The following SAE1 variants were observed in gnomAD, a reference collection of about 807,000 sequenced individuals.
The protein encoded by SAE1 is SUMO-activating enzyme subunit 1.
In SAE1, 11 loss-of-function variants were observed where a neutral mutation model predicts 40.6. The observed-to-expected ratio is 0.27, with a 90% CI of 0.17 to 0.45. The LOEUF is 0.45. Among genes scored for constraint, SAE1 ranks in the 20% least tolerant of loss-of-function variants. The probability of loss-of-function intolerance (pLI) is 1.00; values close to 1 mark genes in which losing one functional copy is unlikely to be tolerated. For missense variants in SAE1, 373 were observed against 427.3 expected (o/e 0.87, Z 1.12); for synonymous variants, 155 against 154.3 (o/e 1.00, Z -0.03).
intron 1 of SAE1, among the ~76,000 whole-genome samples, chr19:47,142,045 T>C (rs1457561403): frequency 6.6e-6 from 1 of 152,156 alleles, no homozygotes; most frequent in African/African-American, 2.4e-5. Context: ...TGACCTCTGA[T>C]TGCCTTTTTT....
In SAE1 at chr19:47,209,404, G is replaced by A. The variant is rs1041232838; in HGVS notation, c.*153G>A. On this transcript the variant is annotated 3_prime_UTR_variant, in exon 9 of 9. Transcript: ENST00000270225. ...CTGCAACGAAGGAGGTGGTGCCGAC[G>A]TGCTGCTTCCCATCACCAGCAGCTG... The A allele has an allele frequency of 7.5e-6, 10 of 1,342,176 alleles. No individual in the cohort carries two copies. The highest frequency in any genetic ancestry group is 4.9e-4 in the Middle Eastern group (2 of 4,112). The allele number at this position is 1,342,176 out of a possible 1,614,324, so 83.1% of individuals were successfully genotyped here.
At chr19:47,173,293 G>C (rs1054713970) in intron 6 of SAE1, among the ~76,000 whole-genome samples, 1 of 152,090 alleles carries the variant, frequency 6.6e-6, no homozygotes, top group African/African-American at 2.4e-5. Flanking sequence ...CACCGCGCCC[G>C]GCCCAAAGTC....
At chr19:47,188,023 T>C (rs2058554682) in intron 6 of SAE1, among the ~76,000 whole-genome samples, 1 of 152,122 alleles carries the variant, frequency 6.6e-6, no homozygotes, top group Non-Finnish European at 1.5e-5. Context: ...AAGCCAGTCC[T>C]TGTGCTAGTT....
chr19:47,199,071 A>G (rs887824356), intron 7 of SAE1, among the ~76,000 whole-genome samples: 2 of 152,040 alleles, frequency 1.3e-5, no homozygotes, highest in African/African-American at 4.8e-5. Context: ...CCTGGGTGAC[A>G]GAGAGAGACC....
rs772789167 is a variant in SAE1 at position 47,155,262 on chromosome 19, G to A, written c.627+49G>A. The A allele has an allele frequency of 6.3e-6, 8 of 1,272,702 alleles. No homozygotes were observed. In the South Asian group the frequency reaches 9.5e-5, roughly 15 times the overall value. 78.8% of individuals were successfully genotyped at this position (1,272,702 alleles called of 1,614,324 possible). On this transcript the variant is annotated intron_variant, in intron 5 of 8. Coordinates refer to ENST00000270225, the MANE Select transcript of SAE1 (RefSeq NM_005500.3). ...GTCAGAAACCCTGGGGCCTTGGAGG[G>A]GTCAGGCAATGACGATTGAAAAGGA...
At chr19:47,131,134 C>A in intron 1 of SAE1, 106 bp downstream of exon 1, 1 of 1,430,168 alleles carries the variant, frequency 7.0e-7, no homozygotes, top group Non-Finnish European at 9.2e-7. Flanking sequence ...AGGGAGGAGG[C>A]GGGAATTCTG....
intron 5 of SAE1, among the ~76,000 whole-genome samples, chr19:47,166,760 G>A (rs2058395479): frequency 6.6e-6 from 1 of 152,116 alleles, no homozygotes; most frequent in South Asian, 2.1e-4. Context: ...TTGTTGAGAA[G>A]GGCCTGGTGG....
intron 8 of SAE1, among the ~76,000 whole-genome samples, chr19:47,207,964 T>C (rs1256484173): frequency 6.6e-6 from 1 of 152,156 alleles, no homozygotes; most frequent in Non-Finnish European, 1.5e-5. Context: ...GTGCTCTGTC[T>C]GGTAACCCCA....
At position 47,169,847 on chromosome 19, in the gene SAE1, C is replaced by T. The variant is rs755361348; in HGVS notation, c.657C>T (p.Ala219=). The T allele has an allele frequency of 1.2e-6, 2 of 1,614,074 alleles. No homozygotes were observed. The highest frequency in any genetic ancestry group is 8.5e-7 in the Non-Finnish European group (1 of 1,179,964). Reference sequence around the variant, plus strand: ...TGGTCTTCTGCCCTGTTAAAGAAGCCCTGGAGGTGGACTGGAGCAGTGAGA... The same window carrying T: ...TGGTCTTCTGCCCTGTTAAAGAAGCTCTGGAGGTGGACTGGAGCAGTGAGA... ...KKVVFCPVKE[A]LEVDWSSEKA... Residue 219 remains alanine (A), a synonymous_variant, in exon 6 of 9, where the codon GCC becomes GCT. Coordinates refer to ENST00000270225, the MANE Select transcript of SAE1 (RefSeq NM_005500.3).
intron 7 of SAE1, among the ~76,000 whole-genome samples, chr19:47,202,593 A>G (rs1053739503): frequency 1.2e-4 from 18 of 151,336 alleles, no homozygotes; most frequent in African/African-American, 3.9e-4. Context: ...CCCTAATTAT[A>G]CCCGTTTAGA....
At chr19:47,195,609 C>T (rs569726800) in intron 6 of SAE1, among the ~76,000 whole-genome samples, 5 of 152,118 alleles carry the variant, frequency 3.3e-5, no homozygotes, top group East Asian at 3.9e-4. Flanking sequence ...TTAAACTGGT[C>T]CTGCCTAGAA....
chr19:47,154,480 CTTTTTTTTTTTTTTTTTT>C (rs57870733), intron 4 of SAE1, among the ~76,000 whole-genome samples: 1 of 51,576 alleles, frequency 1.9e-5, no homozygotes, highest in African/African-American at 8.4e-5. Flanking sequence ...TTAAGTTTGG[CTTTTTTTTTTTTTTTTTT>C]TTTTTTTTTT....
At chr19:47,208,627 G>A (rs2058697638) in intron 8 of SAE1, among the ~76,000 whole-genome samples, 1 of 152,178 alleles carries the variant, frequency 6.6e-6, no homozygotes, top group Admixed American at 6.5e-5. Context: ...GTTTCACCGT[G>A]TTGGCCAGGC....
chr19:47,176,033 TAGG>T (rs1288565555), intron 6 of SAE1, among the ~76,000 whole-genome samples: 1 of 152,264 alleles, frequency 6.6e-6, no homozygotes, highest in Admixed American at 6.5e-5. Context: ...TCTAAATTTC[TAGG>T]AGAACTACTG....
At chr19:47,183,349 C>T (rs1363395282) in intron 6 of SAE1, among the ~76,000 whole-genome samples, 1 of 152,074 alleles carries the variant, frequency 6.6e-6, no homozygotes, top group South Asian at 2.1e-4. Flanking sequence ...GGTCATCACA[C>T]GCAGTAAGTG....
intron 6 of SAE1, among the ~76,000 whole-genome samples, chr19:47,177,797 G>C (rs963714393): frequency 6.6e-6 from 1 of 152,194 alleles, no homozygotes; most frequent in Non-Finnish European, 1.5e-5. Flanking sequence ...GGGGAGATCT[G>C]AGCTGTATTT....
At chr19:47,196,333 C>CTTTTTTTTT (rs61498882) in intron 6 of SAE1, among the ~76,000 whole-genome samples, 6 of 27,888 alleles carry the variant, frequency 2.2e-4, no homozygotes, top group Admixed American at 7.1e-4. Context: ...CCGCGCCTGG[C>CTTTTTTTTT]TTTTTTTTTT....
chr19:47,137,523 C>G lies in SAE1; in HGVS notation c.99-5971C>G, dbSNP rs1162101516. On this transcript the variant is annotated intron_variant, in intron 1 of 8. Coordinates refer to ENST00000270225, the MANE Select transcript of SAE1 (RefSeq NM_005500.3). The stretch of plus-strand genomic sequence containing the variant: ...ACAACTAAAATTTTTTTTTCTCGCT[C>G]TGTTACCCAGGCTGGAGTGCAGTGA... Among the ~76,000 whole-genome samples, 9 of 152,098 alleles carry G rather than the reference C, an allele frequency of 5.9e-5. No individual in the cohort carries two copies. The East Asian group carries it at 1.3e-3, about 23-fold the overall frequency.
intron 6 of SAE1, among the ~76,000 whole-genome samples, chr19:47,196,126 A>G (rs1278004401): frequency 2.0e-5 from 3 of 149,460 alleles, no homozygotes; most frequent in African/African-American, 7.4e-5. Flanking sequence ...GCTCACTGCA[A>G]CCTCTGCCTC....
Sources: gnomAD v4.1 joint callset for allele counts (sites outside exome capture counted in the v4.1 genomes callset) on GRCh38, gnomAD v4.1.1 for gene constraint, MANE v1.5 for transcripts, NCBI Gene and HGNC (gene_info 2026-07-23, HGNC 2026-07-21) for gene names.